Variants in CCDC186 observed in about 807,000 individuals in gnomAD.
CCDC186 encodes the protein coiled-coil domain containing 186, also known as coiled-coil domain-containing protein 186.
In CCDC186, 49 loss-of-function variants were observed where a neutral mutation model predicts 113.7. That is an observed-to-expected ratio of 0.43 (90% CI 0.34 to 0.55). CCDC186 has a LOEUF of 0.55. CCDC186 is among the 20% of genes least tolerant of loss of function. The pLI, the probability that CCDC186 is intolerant of heterozygous loss-of-function variation, is 0.02. For synonymous variants in CCDC186, 355 were observed against 345.8 expected, an observed-to-expected ratio of 1.03 and a Z score of -0.30; for missense variants, 890 against 1,011.1, an observed-to-expected ratio of 0.88 and a Z score of 1.62.
chr10:114,153,705 G>A (rs2031921288), intron 3 of CCDC186, among the ~76,000 whole-genome samples: 2 of 150,072 alleles, frequency 1.3e-5, no homozygotes, highest in African/African-American at 2.5e-5. Context: ...AGAATCGCTT[G>A]AACTCAGGAG....
At chr10:114,135,182 C>A (rs1340933653) in intron 9 of CCDC186, 127 bp from the exon 10 acceptor site, 1 of 934,138 alleles carries the variant, frequency 1.1e-6, no homozygotes, top group Non-Finnish European at 1.5e-6. Context: ...AAATATAATG[C>A]GAAGTTTACA....
chr10:114,173,801 G>A (rs2032604356), intron 1 of CCDC186, among the ~76,000 whole-genome samples: 2 of 152,322 alleles, frequency 1.3e-5, no homozygotes, highest in South Asian at 2.1e-4. Context: ...GAGGAAGGCA[G>A]GGAGAGGAAA....
Position 114,127,642 on chromosome 10 carries a change from C to G in CCDC186, c.2212G>C (p.Asp738His). The G allele has an allele frequency of 6.2e-7, 1 of 1,613,988 alleles. No individual in the cohort carries two copies. The highest frequency in any genetic ancestry group is 8.5e-7 in the Non-Finnish European group (1 of 1,179,960). ...GSLNARSSAE[D>H]RSPENTGSSV... ...GACCCAGTATTTTCTGGAGATCGAT[C>G]TTCTGCACTGCTTCGAGCATTCAGG... Residue 738 changes from aspartate (D) to histidine (H), a missense_variant, in exon 14 of 16, where the codon GAT becomes CAT. Physicochemically the swap from Asp to His is moderately conservative, Grantham distance 81. Coordinates refer to ENST00000369287, the MANE Select transcript of CCDC186 (RefSeq NM_018017.4).
At chr10:114,155,163 G>A (rs2031973563) in intron 3 of CCDC186, among the ~76,000 whole-genome samples, 1 of 152,092 alleles carries the variant, frequency 6.6e-6, no homozygotes, top group Non-Finnish European at 1.5e-5. Context: ...CTAAAATTGT[G>A]GTAAAGGTTG....
At chr10:114,134,710 G>C (rs2031199166) in intron 10 of CCDC186, among the ~76,000 whole-genome samples, 1 of 152,092 alleles carries the variant, frequency 6.6e-6, no homozygotes. Context: ...CAATGTTTAA[G>C]GAATATAAAC....
chr10:114,135,331 A>G (rs2031223569), intron 9 of CCDC186, among the ~76,000 whole-genome samples: 1 of 152,178 alleles, frequency 6.6e-6, no homozygotes, highest in African/African-American at 2.4e-5. Context: ...CAAGAAGAAC[A>G]AATAAGAAGG....
In CCDC186 at chr10:114,164,114, A is replaced by ATAT. The variant is rs1478462193; in HGVS notation, c.-61-786_-61-785insATA. On this transcript the variant is annotated intron_variant, in intron 1 of 15. Transcript: ENST00000369287. ...TGTGTGTGTGTGTGTATATATATATATTTTTTTTTTTTTTTTTTTTTTTGG... is the reference window on the plus strand; with the variant it reads ...TGTGTGTGTGTGTGTATATATATATATATTTTTTTTTTTTTTTTTTTTTTTTGG... Among the ~76,000 whole-genome samples, 44 of 79,228 alleles carry ATAT rather than the reference A, an allele frequency of 5.6e-4. 4 individuals are homozygous for ATAT. The highest frequency in any genetic ancestry group is 1.4e-3 in the African/African-American group (29 of 20,540). 52.0% of individuals were successfully genotyped at this position (79,228 alleles called of 152,430 possible). A position where few individuals can be genotyped will look rare whatever the true frequency, so the allele number is the denominator to read the frequency against.
chr10:114,147,067 G>T (rs1273677732), intron 4 of CCDC186, among the ~76,000 whole-genome samples: 1 of 152,204 alleles, frequency 6.6e-6, no homozygotes, highest in East Asian at 1.9e-4. Context: ...TGTGCTTGTA[G>T]ACAAAGACTG....
At chr10:114,166,440 T>G (rs950252787) in intron 1 of CCDC186, among the ~76,000 whole-genome samples, 1 of 152,230 alleles carries the variant, frequency 6.6e-6, no homozygotes, top group Non-Finnish European at 1.5e-5. Flanking sequence ...AAATAGTCTC[T>G]CAGGGTAAAT....
At chr10:114,171,594 T>G (rs1331618989) in intron 1 of CCDC186, among the ~76,000 whole-genome samples, 1 of 152,104 alleles carries the variant, frequency 6.6e-6, no homozygotes, top group Non-Finnish European at 1.5e-5. Flanking sequence ...AAAAAAAATT[T>G]TTTTTCAAGT....
In CCDC186 at chr10:114,122,175, A is replaced by G. The variant is rs1159234885; in HGVS notation, c.*2968T>C. ...GAAATGCCCTGGTCTGCTCACTAGT[A>G]TAAATACAATACCCTGTATGGTGCC... is the stretch of plus-strand genomic sequence containing the variant. On this transcript the variant is annotated 3_prime_UTR_variant, in exon 16 of 16. Coordinates refer to ENST00000369287, the MANE Select transcript of CCDC186 (RefSeq NM_018017.4). 5 of 152,206 alleles carry G rather than the reference A, an allele frequency of 3.3e-5. No individual in the cohort carries two copies. Among genetic ancestry groups the G allele is most frequent in the Non-Finnish European group, 7.3e-5 (5 of 68,040 alleles). The allele number at this position is 152,206 out of a possible 1,614,324, so 9.4% of individuals were successfully genotyped here.
chr10:114,157,125 A>G (rs1453956979), intron 3 of CCDC186, among the ~76,000 whole-genome samples: 6 of 151,770 alleles, frequency 4.0e-5, no homozygotes, highest in African/African-American at 1.2e-4. Context: ...AATTCTCTGC[A>G]TTTAAAATAT....
intron 1 of CCDC186, among the ~76,000 whole-genome samples, chr10:114,165,053 G>A (rs891476243): frequency 1.3e-5 from 2 of 152,216 alleles, no homozygotes; most frequent in Admixed American, 6.5e-5. Flanking sequence ...GAAAATGGGA[G>A]GAATAAGTGT....
intron 3 of CCDC186, among the ~76,000 whole-genome samples, chr10:114,155,606 T>C (rs1008584947): frequency 2.0e-5 from 3 of 151,750 alleles, no homozygotes; most frequent in Admixed American, 6.6e-5. Context: ...ACCTGGGAGG[T>C]AGTGGTTGCT....
At chr10:114,163,769 A>AC (rs1220973157) in intron 1 of CCDC186, among the ~76,000 whole-genome samples, 1 of 152,168 alleles carries the variant, frequency 6.6e-6, no homozygotes, top group East Asian at 1.9e-4. Context: ...GAAATCACAA[A>AC]CCAAGATAAC....
rs372199373 is a variant in CCDC186 at position 114,165,408 on chromosome 10, T to C, written c.-61-2079A>G. On this transcript the variant is annotated intron_variant, in intron 1 of 15. Transcript: ENST00000369287. ...AAGTAACTCACTTTAAGATATAACT[T>C]GTGGGCTGGGCGTGGTGGCTCACGC... 3.0e-4 allele frequency among the ~76,000 whole-genome samples: 45 copies of C among 152,310 alleles called. 1 individual carries two copies. The East Asian group carries it at 7.9e-3, about 27-fold the overall frequency.
intron 1 of CCDC186, among the ~76,000 whole-genome samples, chr10:114,167,931 A>C (rs2032384118): frequency 6.6e-6 from 1 of 152,150 alleles, no homozygotes; most frequent in South Asian, 2.1e-4. Context: ...AGCTGCAATG[A>C]GCTATGATGG....
At chr10:114,128,966 C>T (rs569917901) in intron 13 of CCDC186, among the ~76,000 whole-genome samples, 7 of 152,042 alleles carry the variant, frequency 4.6e-5, no homozygotes, top group Admixed American at 3.3e-4. Flanking sequence ...TTTTAAAAAA[C>T]GGAAGAGGAA....
rs1308189916 is a variant in CCDC186 at position 114,149,685 on chromosome 10, G to A, written c.888+1407C>T. On this transcript the variant is annotated intron_variant, in intron 4 of 15. Coordinates refer to ENST00000369287, the MANE Select transcript of CCDC186 (RefSeq NM_018017.4). Reference sequence around the variant, plus strand: ...GGAAGGAAAGGAGGGAAGGAGGGAGGAAAGAAAAGAATGGAATGGAAGGAA... The same window carrying A: ...GGAAGGAAAGGAGGGAAGGAGGGAGAAAAGAAAAGAATGGAATGGAAGGAA... 0.027 allele frequency among the ~76,000 whole-genome samples: 6 copies of A among 226 alleles called. 1 individual carries two copies. In the South Asian group the frequency reaches 0.29, roughly 11 times the overall value. The allele number at this position is 226 out of a possible 152,430, so 0.1% of individuals were successfully genotyped here.
Sources: gnomAD v4.1 joint callset for allele counts (sites outside exome capture counted in the v4.1 genomes callset) on GRCh38, gnomAD v4.1.1 for gene constraint, MANE v1.5 for transcripts, NCBI Gene and HGNC (gene_info 2026-07-23, HGNC 2026-07-21) for gene names.